HIP1R: variants seen among roughly 807,000 people sequenced by gnomAD.
HIP1R encodes huntingtin interacting protein 1 related, also known as huntingtin-interacting protein 1-related protein.
Under a neutral mutation model 144.2 loss-of-function variants are expected in HIP1R, and 135 were observed. The observed-to-expected ratio is 0.94, with a 90% confidence interval of 0.81 to 1.08. The LOEUF is 1.08. Ranked by LOEUF, HIP1R falls within the 50% of genes least tolerant of loss-of-function variation. The pLI, the probability that HIP1R is intolerant of heterozygous loss-of-function variation, is 0.00. For missense variants in HIP1R, 1,462 were observed against 1,432.8 expected (o/e 1.02, Z -0.33); for synonymous variants, 698 against 612.8 (o/e 1.14, Z -2.05).
chr12:122,849,794 G>A, intron 4 of HIP1R, 81 bp from the exon 5 acceptor site: 4 of 931,408 alleles, frequency 4.3e-6, no homozygotes, highest in Non-Finnish European at 6.9e-6. Flanking sequence ...CCGGTGGTGG[G>A]TCACTCTCGT....
At chr12:122,848,384 G>T in intron 2 of HIP1R, 82 bp from the exon 3 acceptor site, 1 of 1,512,758 alleles carries the variant, frequency 6.6e-7, no homozygotes. Context: ...GCCCTCTTCC[G>T]GCGGCCCTGG....
chr12:122,849,063 G>A (rs3896871), intron 4 of HIP1R, among the ~76,000 whole-genome samples: 1 of 151,840 alleles, frequency 6.6e-6, no homozygotes, highest in East Asian at 1.9e-4. Flanking sequence ...GCCCTCCAGC[G>A]TCGAAGTCAC....
rs544081892 is a variant in HIP1R, at chr12:122,856,099, GGCCCAGCTGAGGGCT to G, written c.1258_1272del (p.Arg420_Leu424del). On this transcript the variant is annotated inframe_deletion, in exon 14 of 32. Transcript: ENST00000253083. ...ATAATGAGCAGCTCCGCCACGAGCT[GGCCCAGCTGAGGGCT>G]GCCCAGCTGGAGGGCGAGCGGAGCC... 1.2e-4 allele frequency: 198 copies of G among 1,587,138 alleles called. 5 individuals are homozygous for G. The East Asian group carries it at 3.3e-3, about 26-fold the overall frequency.
chr12:122,855,853 A>AAG lies in HIP1R; in HGVS notation c.1085_1086dup (p.Val363ArgfsTer23). On this transcript the variant is annotated frameshift_variant, in exon 13 of 32. Coordinates refer to ENST00000253083, the MANE Select transcript of HIP1R (RefSeq NM_003959.3). LOFTEE classifies it high-confidence loss of function. ...CAGGGACCTCCAGATTGAGAGCTTG[A>AAG]AGAGAGAGGTGGAAATGCTCCGCTC... 1 of 1,566,408 alleles carries AAG rather than the reference A, an allele frequency of 6.4e-7. No homozygotes were observed. The highest frequency in any genetic ancestry group is 8.7e-7 in the Non-Finnish European group (1 of 1,154,938).
chr12:122,856,883 C>T, intron 17 of HIP1R, 138 bp from the exon 18 acceptor site: 1 of 1,047,466 alleles, frequency 9.5e-7, no homozygotes, highest in Non-Finnish European at 1.4e-6. Flanking sequence ...GAGACAGGAC[C>T]TACCGCTGGT....
At chr12:122,838,212 G>T (rs2032961136) in intron 1 of HIP1R, among the ~76,000 whole-genome samples, 1 of 152,072 alleles carries the variant, frequency 6.6e-6, no homozygotes, top group Non-Finnish European at 1.5e-5. Context: ...TCATGTGCCT[G>T]CTGGGAGCTG....
At position 122,851,280 on chromosome 12, in the gene HIP1R, T is replaced by C. The variant is rs747150339; in HGVS notation, c.560T>C (p.Leu187Pro). 6.4e-7 allele frequency: 1 copy of C among 1,554,188 alleles called. No homozygotes were observed. The highest frequency in any genetic ancestry group is 8.6e-7 in the Non-Finnish European group (1 of 1,157,526). Residue 187 changes from leucine (L) to proline (P), a missense_variant, in exon 7 of 32, where the codon CTG (leucine) becomes CCG (proline). Leu to Pro is a moderately conservative substitution (Grantham distance 98). Coordinates refer to ENST00000253083, the MANE Select transcript of HIP1R (RefSeq NM_003959.3). ...ATGTTTGATTACATGGATTGTGAGCTGAAGCTTTCTGAATCAGGTGAGCCG... is the reference window on the plus strand; with the variant it reads ...ATGTTTGATTACATGGATTGTGAGCCGAAGCTTTCTGAATCAGGTGAGCCG... ...VEMFDYMDCE[L>P]KLSESVFRQL...
upstream of HIP1R, chr12:122,835,437 C>A (rs1476739898): frequency 9.7e-6 from 11 of 1,138,540 alleles, no homozygotes; most frequent in East Asian, 2.1e-4. Flanking sequence ...TCCTCCCCGG[C>A]GGGCGGGCCC....
chr12:122,853,971 C>T (rs2033476616), intron 7 of HIP1R, 72 bp from the exon 8 acceptor site: 2 of 1,527,958 alleles, frequency 1.3e-6, no homozygotes, highest in African/African-American at 1.4e-5. Context: ...CCCTGCTTCA[C>T]AGTTGGACCA....
rs1017172678 is a variant in HIP1R at position 122,856,237 on chromosome 12, C to T, written c.1313-19C>T. 6.2e-7 allele frequency: 1 copy of T among 1,613,374 alleles called. No homozygotes were observed. Among genetic ancestry groups the T allele is most frequent in the Non-Finnish European group, 8.5e-7 (1 of 1,179,888 alleles). On this transcript the variant is annotated intron_variant, in intron 14 of 31. Coordinates refer to ENST00000253083, the MANE Select transcript of HIP1R (RefSeq NM_003959.3). ...TGCCACCCCACACGGGGCATCACTG[C>T]CCCTCCTCTCGCCCCCAGGGAAGGC...
chr12:122,855,663 G>A (rs753619580), intron 12 of HIP1R, 51 bp downstream of exon 12: 19 of 1,540,518 alleles, frequency 1.2e-5, no homozygotes, highest in Non-Finnish European at 1.7e-5. Flanking sequence ...AACGGGCTCA[G>A]CTGAGCTGTG....
At chr12:122,855,676 C>A in intron 12 of HIP1R, 64 bp downstream of exon 12, 1 of 1,532,396 alleles carries the variant, frequency 6.5e-7, no homozygotes, top group Non-Finnish European at 8.8e-7. Flanking sequence ...GAGCTGTGCT[C>A]TGGACAGTTC....
At chr12:122,857,269 C>T in intron 18 of HIP1R, 54 bp downstream of exon 18, 2 of 1,475,810 alleles carry the variant, frequency 1.4e-6, no homozygotes, top group Non-Finnish European at 1.9e-6. Flanking sequence ...GTCTGGCAAC[C>T]ATCGATCTGT....
chr12:122,852,671 G>A (rs957464460), intron 7 of HIP1R, among the ~76,000 whole-genome samples: 4 of 152,208 alleles, frequency 2.6e-5, no homozygotes, highest in Middle Eastern at 3.2e-3. Context: ...AAACACAAAC[G>A]TCCTAAACAT....
Position 122,862,480 on chromosome 12 carries a change from C to A in HIP1R, c.*727C>A, listed in dbSNP as rs1315806036. The A allele has an allele frequency of 6.6e-6, 1 of 152,514 alleles. No individual in the cohort carries two copies. The highest frequency in any genetic ancestry group is 2.4e-5 in the African/African-American group (1 of 41,470). 9.4% of individuals were successfully genotyped at this position (152,514 alleles called of 1,614,324 possible). ...CATTTCCAGCTGGAATCTGCAGCCA[C>A]CCCCATTTCCTGTTTTCCATTCCCC... On this transcript the variant is annotated 3_prime_UTR_variant, in exon 32 of 32. Coordinates refer to ENST00000253083, the MANE Select transcript of HIP1R (RefSeq NM_003959.3).
Position 122,835,680 on chromosome 12 carries a change from C to T in HIP1R, c.93+37C>T, listed in dbSNP as rs1389218609. 3.4e-6 allele frequency: 3 copies of T among 882,906 alleles called. No individual in the cohort carries two copies. The African/African-American group carries it at 6.6e-5, about 19-fold the overall frequency. 54.7% of individuals were successfully genotyped at this position (882,906 alleles called of 1,614,324 possible). ...GCGGGCGGCGGGCGGCGGGCGGCGGCGGGCGGGCGGGCAAGCGGCGTCCCT... is the reference window on the plus strand; with the variant it reads ...GCGGGCGGCGGGCGGCGGGCGGCGGTGGGCGGGCGGGCAAGCGGCGTCCCT... On this transcript the variant is annotated intron_variant, in intron 1 of 31. Transcript: ENST00000253083.
intron 18 of HIP1R, chr12:122,857,507 T>C (rs2033624924): frequency 1.9e-6 from 1 of 532,104 alleles, no homozygotes; most frequent in African/African-American, 1.9e-5. Context: ...TGCAACTTTC[T>C]GGCTGTTGTA....
At chr12:122,841,127 GC>G (rs2033044552) in intron 1 of HIP1R, among the ~76,000 whole-genome samples, 1 of 145,234 alleles carries the variant, frequency 6.9e-6, no homozygotes. Context: ...GCCCTTACCC[GC>G]CCCCTCCCCG....
intron 5 of HIP1R, 38 bp from the exon 6 acceptor site, chr12:122,850,797 C>T (rs1302040656): frequency 6.4e-7 from 1 of 1,561,974 alleles, no homozygotes; most frequent in Middle Eastern, 2.0e-4. Flanking sequence ...TGGGGGGGCC[C>T]TGGTTCAGTG....
Sources: allele counts gnomAD v4.1 joint callset (sites outside exome capture counted in the v4.1 genomes callset), GRCh38; gene constraint gnomAD v4.1.1; transcripts MANE v1.5; gene names NCBI Gene and HGNC (gene_info 2026-07-23, HGNC 2026-07-21).